The following C1QTNF7 variants were observed in gnomAD, a reference collection of about 807,000 sequenced individuals.
C1QTNF7 encodes C1q and TNF related 7, also known as complement C1q tumor necrosis factor-related protein 7.
C1QTNF7 carries 15 observed loss-of-function variants against 19.6 expected under a neutral mutation model. That is an observed-to-expected ratio of 0.76 (90% CI 0.51 to 1.18). C1QTNF7 has a LOEUF of 1.18. Ranked by LOEUF, C1QTNF7 falls within the 50% of genes most tolerant of loss-of-function variation. C1QTNF7 has a pLI of 0.00. For missense variants in C1QTNF7, 324 were observed against 359.7 expected, an observed-to-expected ratio of 0.90 and a Z score of 0.80; for synonymous variants, 142 against 137.5, an observed-to-expected ratio of 1.03 and a Z score of -0.23.
chr4:15,400,412 C>G (rs1560356319), intron 1 of C1QTNF7, among the ~76,000 whole-genome samples: 1 of 152,140 alleles, frequency 6.6e-6, no homozygotes, highest in African/African-American at 2.4e-5. Context: ...CACAAGAAGA[C>G]ACATTTGTAT....
upstream of C1QTNF7, among the ~76,000 whole-genome samples, chr4:15,423,944 C>A (rs1711917801): frequency 6.6e-6 from 1 of 152,132 alleles, no homozygotes; most frequent in Admixed American, 6.5e-5. Context: ...TTATTTTTTT[C>A]CTTCAAGCAT....
intron 1 of C1QTNF7, among the ~76,000 whole-genome samples, chr4:15,404,722 C>G (rs1341460762): frequency 6.6e-6 from 1 of 152,154 alleles, no homozygotes; most frequent in African/African-American, 2.4e-5. Context: ...TCATTTTATT[C>G]TTAATGGGGA....
rs145375285 is a variant in C1QTNF7 at position 15,442,578 on chromosome 4, C to A, written c.649C>A (p.Arg217=). ...AIGLVHNGQY[R]IKTFDANTGN... is the part of the protein sequence containing the mutation. ...CGGACTGGTACACAATGGGCAATAC[C>A]GGATAAAGACCTTCGACGCCAACAC... Residue 217 remains arginine (R), a synonymous_variant, in exon 3 of 3, where the codon CGG becomes AGG. Transcript: ENST00000444304. 6.2e-6 allele frequency: 10 copies of A among 1,614,128 alleles called. No homozygotes were observed. Among genetic ancestry groups the A allele is most frequent in the Non-Finnish European group, 8.5e-6 (10 of 1,180,032 alleles).
intron 1 of C1QTNF7, among the ~76,000 whole-genome samples, chr4:15,435,169 A>G (rs1204996082): frequency 6.6e-6 from 1 of 152,234 alleles, no homozygotes. Context: ...AAGATAGTAG[A>G]GACAAAAGCA....
chr4:15,383,185 A>G (rs1718209845), intron 1 of C1QTNF7, among the ~76,000 whole-genome samples: 1 of 152,144 alleles, frequency 6.6e-6, no homozygotes, highest in Non-Finnish European at 1.5e-5. Flanking sequence ...CATGGACCCT[A>G]ATGTTGTCCT....
chr4:15,411,933 C>T (rs892922928), intron 1 of C1QTNF7, among the ~76,000 whole-genome samples: 1 of 152,120 alleles, frequency 6.6e-6, no homozygotes, highest in African/African-American at 2.4e-5. Flanking sequence ...GGTAGCACAG[C>T]AGGAGGTGAG....
chr4:15,371,240 T>C (rs73230967), intron 1 of C1QTNF7, among the ~76,000 whole-genome samples: 8 of 152,354 alleles, frequency 5.3e-5, no homozygotes, highest in Non-Finnish European at 8.8e-5. Context: ...AACAACCTCA[T>C]TCTTGATTAG....
At chr4:15,426,266 C>G (rs1480534784), upstream of C1QTNF7, among the ~76,000 whole-genome samples, 3 of 152,186 alleles carry the variant, frequency 2.0e-5, no homozygotes, top group African/African-American at 7.2e-5. Flanking sequence ...TGAGCCAATA[C>G]TTCCTTAAGC....
chr4:15,348,052 A>C (rs1716777871), intron 1 of C1QTNF7, among the ~76,000 whole-genome samples: 1 of 152,152 alleles, frequency 6.6e-6, no homozygotes. Context: ...GTATTAAATG[A>C]GATATATTTG....
rs1043760801 is a variant in C1QTNF7, at chr4:15,445,815, A to T, written c.*3016A>T. 3.3e-5 allele frequency: 5 copies of T among 152,220 alleles called. No homozygotes were observed. Among genetic ancestry groups the T allele is most frequent in the Admixed American group, 3.3e-4 (5 of 15,284 alleles). 9.4% of individuals were successfully genotyped at this position (152,220 alleles called of 1,614,324 possible). A position where few individuals can be genotyped will look rare whatever the true frequency, so the allele number is the denominator to read the frequency against. On this transcript the variant is annotated 3_prime_UTR_variant, in exon 3 of 3. Transcript: ENST00000444304. The stretch of plus-strand genomic sequence containing the variant: ...AATATGTATTAAGCAATATTTATTG[A>T]CTATACACCATCTTGTTCTAGAAGA...
At chr4:15,408,864 T>C (rs1449873628) in intron 1 of C1QTNF7, among the ~76,000 whole-genome samples, 1 of 152,110 alleles carries the variant, frequency 6.6e-6, no homozygotes, top group Admixed American at 6.5e-5. Flanking sequence ...CCACCAAAAT[T>C]CATGTGTTGA....
chr4:15,389,878 G>A (rs1052291071), intron 1 of C1QTNF7, among the ~76,000 whole-genome samples: 13 of 152,250 alleles, frequency 8.5e-5, no homozygotes, highest in African/African-American at 2.4e-4. Flanking sequence ...GGCTCACACC[G>A]TCAGCAGGGC....
In C1QTNF7 at chr4:15,442,887, C is replaced by G; in HGVS notation, c.*88C>G. ...AGCAGGAATGGGATCCAAAGAGACT[C>G]CCACTCAGATTCTAAAGCATTTAAA... On this transcript the variant is annotated 3_prime_UTR_variant, in exon 3 of 3. Coordinates refer to ENST00000444304, the MANE Select transcript of C1QTNF7 (RefSeq NM_031911.5). The G allele has an allele frequency of 7.6e-7, 1 of 1,316,040 alleles. No individual in the cohort carries two copies. Among genetic ancestry groups the G allele is most frequent in the Admixed American group, 2.4e-5 (1 of 41,940 alleles). 81.5% of individuals were successfully genotyped at this position (1,316,040 alleles called of 1,614,324 possible).
At chr4:15,382,838 C>G (rs1437479725) in intron 1 of C1QTNF7, among the ~76,000 whole-genome samples, 1 of 152,176 alleles carries the variant, frequency 6.6e-6, no homozygotes, top group Admixed American at 6.5e-5. Context: ...CTACTTGATT[C>G]CAGCTGTTCG....
At chr4:15,405,269 A>G (rs1372367292) in intron 1 of C1QTNF7, among the ~76,000 whole-genome samples, 1 of 152,126 alleles carries the variant, frequency 6.6e-6, no homozygotes, top group Non-Finnish European at 1.5e-5. Context: ...TCTACACTTG[A>G]CATTGCATCT....
intron 1 of C1QTNF7, among the ~76,000 whole-genome samples, chr4:15,357,862 C>T (rs1717201163): frequency 6.6e-6 from 1 of 152,144 alleles, no homozygotes; most frequent in Non-Finnish European, 1.5e-5. Flanking sequence ...AATAGGAGTT[C>T]ACTCATGATT....
chr4:15,405,263 C>T (rs1719150193), intron 1 of C1QTNF7, among the ~76,000 whole-genome samples: 1 of 152,190 alleles, frequency 6.6e-6, no homozygotes, highest in African/African-American at 2.4e-5. Context: ...GCGGGCTCTA[C>T]ACTTGACATT....
At chr4:15,381,540 T>C (rs1024963126) in intron 1 of C1QTNF7, among the ~76,000 whole-genome samples, 1 of 152,134 alleles carries the variant, frequency 6.6e-6, no homozygotes, top group Admixed American at 6.5e-5. Flanking sequence ...TGGGTGCACA[T>C]ATCAAAGTCT....
At chr4:15,377,103 A>G (rs1717967194) in intron 1 of C1QTNF7, among the ~76,000 whole-genome samples, 2 of 152,218 alleles carry the variant, frequency 1.3e-5, no homozygotes, top group Non-Finnish European at 2.9e-5. Flanking sequence ...CTTTGTTAAT[A>G]AATTATCTAG....
Sources: allele counts gnomAD v4.1 joint callset (sites outside exome capture counted in the v4.1 genomes callset), GRCh38; gene constraint gnomAD v4.1.1; transcripts MANE v1.5; gene names NCBI Gene and HGNC (gene_info 2026-07-23, HGNC 2026-07-21).